LUZP1: variants seen among roughly 807,000 people sequenced by gnomAD.
The protein encoded by LUZP1 is filamin mechanobinding actin cross-linking protein.
Under a neutral mutation model 71.3 loss-of-function variants are expected in LUZP1, and 25 were observed. The ratio of observed to expected loss-of-function variants is 0.35; its 90% confidence interval spans 0.26 to 0.49. LUZP1 has a LOEUF of 0.49. Among genes scored for constraint, LUZP1 ranks in the 20% least tolerant of loss-of-function variants. The pLI, the probability that LUZP1 is intolerant of heterozygous loss-of-function variation, is 0.99. For missense variants in LUZP1, 1,142 were observed against 1,300.8 expected (o/e 0.88, Z 1.88); for synonymous variants, 481 against 506.4 (o/e 0.95, Z 0.67).
chr1:23,152,502 A>G (rs1327458194), intron 2 of LUZP1, among the ~76,000 whole-genome samples: 3 of 152,002 alleles, frequency 2.0e-5, no homozygotes, highest in African/African-American at 7.2e-5. Context: ...TCAGTTAACT[A>G]ATACCACAAA....
chr1:23,169,710 C>G (rs1644538999), intron 1 of LUZP1, among the ~76,000 whole-genome samples: 1 of 152,124 alleles, frequency 6.6e-6, no homozygotes, highest in African/African-American at 2.4e-5. Context: ...CCTGAGAAGC[C>G]AGGAGGAAGG....
At chr1:23,111,814 C>G in intron 2 of LUZP1, among the ~76,000 whole-genome samples, 1 of 151,734 alleles carries the variant, frequency 6.6e-6, no homozygotes, top group South Asian at 2.1e-4. Flanking sequence ...ACCGCCCCCC[C>G]ACACACACAC....
At chr1:23,149,079 TAAAAAA>T (rs58910170) in intron 2 of LUZP1, among the ~76,000 whole-genome samples, 14 of 37,412 alleles carry the variant, frequency 3.7e-4, no homozygotes, top group East Asian at 3.5e-3. Flanking sequence ...ACACCTTGCC[TAAAAAA>T]AAAAAAAAAA....
At chr1:23,166,609 C>A (rs1313952627) in intron 2 of LUZP1, among the ~76,000 whole-genome samples, 1 of 142,344 alleles carries the variant, frequency 7.0e-6, no homozygotes, top group African/African-American at 2.7e-5. Context: ...GAGCCGAGAT[C>A]GCACCACTGC....
At chr1:23,092,802 G>A (rs769665786) in exon 4 of LUZP1, 36 of 1,613,654 alleles carry the variant, frequency 2.2e-5, no homozygotes, top group South Asian at 4.4e-5. Flanking sequence ...CCCCTTCCAC[G>A]CTTTACTGTG....
chr1:23,089,262 C>G (rs1315702979), intron 4 of LUZP1, among the ~76,000 whole-genome samples: 1 of 152,152 alleles, frequency 6.6e-6, no homozygotes, highest in Non-Finnish European at 1.5e-5. Context: ...GAACTCCAAG[C>G]TGCTGGGAAC....
rs563115600 is a variant in LUZP1 at position 23,115,037 on chromosome 1, T to C, written c.-225-5910A>G. On this transcript the variant is annotated intron_variant, in intron 2 of 4. Transcript: ENST00000302291. ...AAGTAGAGGCATACCATTTGATTAA[T>C]TGGAGTACCTCATGTTATATAAATT... Among the ~76,000 whole-genome samples, 80 of 152,374 alleles carry C rather than the reference T, an allele frequency of 5.3e-4. No homozygotes were observed. The South Asian group carries it at 0.011, about 22-fold the overall frequency.
intron 3 of LUZP1, among the ~76,000 whole-genome samples, chr1:23,095,205 A>G (rs1380072432): frequency 6.6e-6 from 1 of 152,136 alleles, no homozygotes; most frequent in Non-Finnish European, 1.5e-5. Flanking sequence ...TTTTTATGTA[A>G]TTTTCTCATT....
intron 2 of LUZP1, chr1:23,140,896 G>C: frequency 6.6e-6 from 1 of 152,494 alleles, no homozygotes; most frequent in Non-Finnish European, 1.5e-5. Flanking sequence ...TCTGGCATCA[G>C]AGCCAGTCAC....
At chr1:23,110,071 A>G (rs1644015788) in intron 2 of LUZP1, among the ~76,000 whole-genome samples, 1 of 152,228 alleles carries the variant, frequency 6.6e-6, no homozygotes, top group Non-Finnish European at 1.5e-5. Context: ...AGTTTCAAGA[A>G]GTGACTTGTC....
At chr1:23,125,568 T>C (rs1644165788) in intron 2 of LUZP1, among the ~76,000 whole-genome samples, 1 of 152,250 alleles carries the variant, frequency 6.6e-6, no homozygotes, top group Non-Finnish European at 1.5e-5. Flanking sequence ...GCAAGCTTTT[T>C]ACTAAAGCAC....
intron 2 of LUZP1, among the ~76,000 whole-genome samples, chr1:23,134,881 A>G (rs1644242084): frequency 6.6e-6 from 1 of 152,118 alleles, no homozygotes; most frequent in Non-Finnish European, 1.5e-5. Flanking sequence ...GGTTGGTTAC[A>G]CAGGTAAATT....
chr1:23,083,754 T>C (rs560795838), downstream of LUZP1: 23 of 158,876 alleles, frequency 1.4e-4, no homozygotes, highest in Non-Finnish European at 2.5e-4. Context: ...CCTTTGGAAA[T>C]GCCAAGTTTA....
chr1:23,083,847 C>G (rs1358370828), downstream of LUZP1, among the ~76,000 whole-genome samples: 3 of 152,012 alleles, frequency 2.0e-5, no homozygotes, highest in African/African-American at 7.3e-5. Context: ...ATGGTTTGAT[C>G]AGGTCAGAAG....
At chr1:23,085,198 T>G (rs1643744986) in exon 5 of LUZP1, 1 of 152,580 alleles carries the variant, frequency 6.6e-6, no homozygotes, top group Non-Finnish European at 1.5e-5. Flanking sequence ...CCAGAGCACC[T>G]GCCTGAGCAA....
intron 1 of LUZP1, among the ~76,000 whole-genome samples, chr1:23,171,284 A>G (rs1292337104): frequency 6.6e-6 from 1 of 152,136 alleles, no homozygotes; most frequent in African/African-American, 2.4e-5. Context: ...TGGCCCTGCA[A>G]AGCATTCCCA....
intron 2 of LUZP1, among the ~76,000 whole-genome samples, chr1:23,146,693 G>A (rs373684624): frequency 2.6e-5 from 4 of 152,074 alleles, no homozygotes; most frequent in Non-Finnish European, 4.4e-5. Flanking sequence ...CTACTTGGGC[G>A]GTAGAGGTGG....
chr1:23,175,501 G>C (rs555394863), intron 1 of LUZP1, among the ~76,000 whole-genome samples: 1 of 152,054 alleles, frequency 6.6e-6, no homozygotes, highest in Non-Finnish European at 1.5e-5. Context: ...CCCCATTAGC[G>C]CAATTAGGAC....
chr1:23,171,667 G>A (rs573389581), intron 1 of LUZP1, among the ~76,000 whole-genome samples: 3 of 152,112 alleles, frequency 2.0e-5, no homozygotes, highest in Admixed American at 1.3e-4. Flanking sequence ...TGCCTGGCCC[G>A]GTCTTCAAAG....
Sources: gnomAD v4.1 joint callset for allele counts (sites outside exome capture counted in the v4.1 genomes callset) on GRCh38, gnomAD v4.1.1 for gene constraint, MANE v1.5 for transcripts, NCBI Gene and HGNC (gene_info 2026-07-23, HGNC 2026-07-21) for gene names.